The following RBBP5 variants were observed in gnomAD, a reference collection of about 807,000 sequenced individuals.
RBBP5 encodes retinoblastoma-binding protein 5.
In RBBP5, 5 loss-of-function variants were observed where a neutral mutation model predicts 72.2. The ratio of observed to expected loss-of-function variants is 0.07; its 90% CI spans 0.04 to 0.15. The LOEUF (loss-of-function observed/expected upper bound fraction) is 0.15. RBBP5 is among the 10% of genes least tolerant of loss of function. The pLI is 1.00. For synonymous variants in RBBP5, 209 were observed against 237.2 expected, an observed-to-expected ratio of 0.88 and a Z score of 1.09; for missense variants, 322 against 652.2, an observed-to-expected ratio of 0.49 and a Z score of 5.51.
chr1:205,113,225 T>C (rs931653639), intron 3 of RBBP5, among the ~76,000 whole-genome samples: 1 of 152,172 alleles, frequency 6.6e-6, no homozygotes, highest in Admixed American at 6.5e-5. Flanking sequence ...TCCATGATTT[T>C]CTAGAATAAG....
rs925485842 is a variant in RBBP5 at position 205,088,539 on chromosome 1, A to G, written c.*248T>C. On this transcript the variant is annotated 3_prime_UTR_variant, in exon 14 of 14. Transcript: ENST00000264515. ...AAAGTTTAAATGAGTCAAAATTCCT[A>G]TCTGATGTCTTCACAAATCTTCATT... 2.1e-6 allele frequency: 1 copy of G among 478,826 alleles called. No individual in the cohort carries two copies. The highest frequency in any genetic ancestry group is 2.1e-5 in the African/African-American group (1 of 48,562). 29.7% of individuals were successfully genotyped at this position (478,826 alleles called of 1,614,324 possible).
Position 205,103,942 on chromosome 1 carries a change from G to A in RBBP5, c.437C>T (p.Pro146Leu), listed in dbSNP as rs753865558. The change falls in exon 5 of 14, where the codon CCG (proline) becomes CTG (leucine). Residue 146 changes from proline (P) to leucine (L), a missense_variant. Around this residue, in one of 6 missense-constraint regions of RBBP5, gnomAD observed 161 missense variants for 327.8 expected, o/e 0.49. Transcript: ENST00000264515. ...TLSDSKHVVL[P>L]VDDDSDLNVV... is the part of the protein sequence containing the mutation. ...GTTCAAATCGGAGTCATCGTCCACC[G>A]GCAGAACAACATGTTTGGAATCTGA... is the stretch of plus-strand genomic sequence containing the variant. The A allele has an allele frequency of 5.0e-6, 8 of 1,613,952 alleles. No homozygotes were observed. The highest frequency in any genetic ancestry group is 5.9e-6 in the Non-Finnish European group (7 of 1,179,952).
chr1:205,114,676 T>C (rs1656453519), intron 3 of RBBP5, 113 bp downstream of exon 3: 6 of 1,040,050 alleles, frequency 5.8e-6, no homozygotes, highest in Non-Finnish European at 8.1e-6. Context: ...ACTGTATTAC[T>C]AATGGCTGAA....
Position 205,099,621 on chromosome 1 carries a change from A to G in RBBP5, c.978+120T>C. The G allele has an allele frequency of 9.3e-7, 1 of 1,071,686 alleles. No individual in the cohort carries two copies. The highest frequency in any genetic ancestry group is 1.4e-6 in the Non-Finnish European group (1 of 738,768). The allele number at this position is 1,071,686 out of a possible 1,614,324, so 66.4% of individuals were successfully genotyped here. A position where few individuals can be genotyped will look rare whatever the true frequency, so the allele number is the denominator to read the frequency against. On this transcript the variant is annotated intron_variant, in intron 9 of 13. Transcript: ENST00000264515. The surrounding 1 kb of genome is among the most constrained non-coding windows in gnomAD (Gnocchi z 4.7). ...TAGATGCACTGAACCTATGTAATTT[A>G]GGTTGCGAGAATCATATGCAAAAGA...
chr1:205,093,781 A>G (rs970895035), intron 13 of RBBP5, among the ~76,000 whole-genome samples: 1 of 151,920 alleles, frequency 6.6e-6, no homozygotes, highest in South Asian at 2.1e-4. Flanking sequence ...CTTCTCTGTA[A>G]GAGAATTCAT....
Position 205,093,558 on chromosome 1 carries a change from A to ACACACACACACACACACACACACG in RBBP5, c.1588+1314_1588+1315insCGTGTGTGTGTGTGTGTGTGTGTG, listed in dbSNP as rs1474687926. Among the ~76,000 whole-genome samples, 53 of 115,954 alleles carry ACACACACACACACACACACACACG rather than the reference A, an allele frequency of 4.6e-4. 5 individuals are homozygous for ACACACACACACACACACACACACG. The highest frequency in any genetic ancestry group is 7.2e-4 in the African/African-American group (19 of 26,272). 76.1% of individuals were successfully genotyped at this position (115,954 alleles called of 152,430 possible). A position where few individuals can be genotyped will look rare whatever the true frequency, so the allele number is the denominator to read the frequency against. On this transcript the variant is annotated intron_variant, in intron 13 of 13. Coordinates refer to ENST00000264515, the MANE Select transcript of RBBP5 (RefSeq NM_005057.4). ...TACACACACACACACACACACACAC[A>ACACACACACACACACACACACACG]CACACACACACAGCATTATATGTAT...
Position 205,100,043 on chromosome 1 carries a change from A to G in RBBP5, c.774T>C (p.Cys258=). 6.2e-7 allele frequency: 1 copy of G among 1,614,056 alleles called. No homozygotes were observed. The highest frequency in any genetic ancestry group is 8.5e-7 in the Non-Finnish European group (1 of 1,179,910). ...LVNRTPWKKC[C]FSGDGEYIVA... ...CGATGTATTCCCCATCCCCAGAGAA[A>G]CAACATTTCTTCCATGGGGTCCTAA... Residue 258 remains cysteine (C), a synonymous_variant, in exon 8 of 14, where the codon TGT becomes TGC. Coordinates refer to ENST00000264515, the MANE Select transcript of RBBP5 (RefSeq NM_005057.4).
chr1:205,096,577 A>C, intron 12 of RBBP5, 105 bp downstream of exon 12: 1 of 1,041,816 alleles, frequency 9.6e-7, no homozygotes, highest in Non-Finnish European at 1.4e-6. Flanking sequence ...TCATGGGAAA[A>C]TTCCTCTAAG....
intron 5 of RBBP5, among the ~76,000 whole-genome samples, chr1:205,102,887 G>A (rs1471682116): frequency 6.6e-6 from 1 of 151,884 alleles, no homozygotes; most frequent in East Asian, 1.9e-4. Context: ...CAGCTACTCG[G>A]GAGGCTGAGG....
At chr1:205,093,960 A>T (rs1000853570) in intron 13 of RBBP5, among the ~76,000 whole-genome samples, 24 of 152,322 alleles carry the variant, frequency 1.6e-4, no homozygotes, top group African/African-American at 5.8e-4. Context: ...CCACAAAAAA[A>T]TTGAGAATAC....
chr1:205,105,057 G>T lies in RBBP5; in HGVS notation c.330C>A (p.Ile110=). 1 of 1,614,050 alleles carries T rather than the reference G, an allele frequency of 6.2e-7. No homozygotes were observed. Among genetic ancestry groups the T allele is most frequent in the Non-Finnish European group, 8.5e-7 (1 of 1,180,010 alleles). ...CDQRFRFPSP[I]LKVQYHPRDQ... ...CTCGTGGATGATATTGGACTTTTAA[G>T]ATGGGTGAAGGGAATCGAAACCTCT... The change falls in exon 4 of 14, where the codon ATC becomes ATA. Residue 110 remains isoleucine (I), a synonymous_variant. Coordinates refer to ENST00000264515, the MANE Select transcript of RBBP5 (RefSeq NM_005057.4).
chr1:205,089,754 T>C (rs750838921), intron 13 of RBBP5, among the ~76,000 whole-genome samples: 2 of 152,246 alleles, frequency 1.3e-5, no homozygotes, highest in Non-Finnish European at 2.9e-5. Context: ...AACTTTTCCA[T>C]AGTTCAGTCA....
At position 205,097,246 on chromosome 1, in the gene RBBP5, A is replaced by G. The variant is rs537486924; in HGVS notation, c.1166+80T>C. ...AATAAGCAGACGGGAATGAAGGGAT[A>G]GCCAGGGAAACTGCAGAGTACTCCC... On this transcript the variant is annotated intron_variant, in intron 11 of 13. Coordinates refer to ENST00000264515, the MANE Select transcript of RBBP5 (RefSeq NM_005057.4). 3.0e-6 allele frequency: 4 copies of G among 1,321,588 alleles called. No homozygotes were observed. In the East Asian group the frequency reaches 1.0e-4, roughly 33 times the overall value. 81.9% of individuals were successfully genotyped at this position (1,321,588 alleles called of 1,614,324 possible).
intron 13 of RBBP5, among the ~76,000 whole-genome samples, chr1:205,093,458 C>CCAAAAAAAAAA (rs1553352080): frequency 0.18 from 3,213 of 18,214 alleles, 1,001 homozygotes; most frequent in Middle Eastern, 0.25. Flanking sequence ...AACTCCGTTT[C>CCAAAAAAAAAA]AAAAAAAAAA....
At chr1:205,110,785 C>T (rs968941150) in intron 3 of RBBP5, among the ~76,000 whole-genome samples, 10 of 151,958 alleles carry the variant, frequency 6.6e-5, no homozygotes, top group African/African-American at 2.2e-4. Flanking sequence ...TTTAAATGGC[C>T]AAGCACGGTG....
rs1485671080 is a variant in RBBP5 at position 205,099,634 on chromosome 1, C to CAT, written c.978+105_978+106dup. 4.2e-6 allele frequency: 5 copies of CAT among 1,203,284 alleles called. No individual in the cohort carries two copies. The highest frequency in any genetic ancestry group is 5.9e-6 in the Non-Finnish European group (5 of 851,304). The allele number at this position is 1,203,284 out of a possible 1,614,324, so 74.5% of individuals were successfully genotyped here. A position where few individuals can be genotyped will look rare whatever the true frequency, so the allele number is the denominator to read the frequency against. On this transcript the variant is annotated intron_variant, in intron 9 of 13. Transcript: ENST00000264515. The surrounding 1 kb of genome is among the most constrained non-coding windows in gnomAD (Gnocchi z 4.7). ...CCTATGTAATTTAGGTTGCGAGAAT[C>CAT]ATATGCAAAAGAAAATAAAAATGTA...
At chr1:205,100,605 AT>A (rs937500782) in intron 6 of RBBP5, among the ~76,000 whole-genome samples, 6 of 152,124 alleles carry the variant, frequency 3.9e-5, no homozygotes, top group African/African-American at 1.2e-4. Flanking sequence ...CATAATATAT[AT>A]TTTTTAAATG....
chr1:205,097,978 C>G (rs1655681191), intron 10 of RBBP5, among the ~76,000 whole-genome samples: 1 of 152,018 alleles, frequency 6.6e-6, no homozygotes, highest in African/African-American at 2.4e-5. Context: ...CATTCACCCG[C>G]ACAAACCTTA....
intron 3 of RBBP5, among the ~76,000 whole-genome samples, chr1:205,107,673 C>T (rs966924795): frequency 5.9e-5 from 9 of 152,168 alleles, no homozygotes; most frequent in East Asian, 1.9e-4. Context: ...AAGCCAGGTG[C>T]GGTGGCTCAC....
Sources: gnomAD v4.1 joint callset for allele counts (sites outside exome capture counted in the v4.1 genomes callset) on GRCh38, gnomAD v4.1.1 for gene constraint, gnomAD v4.1.1 regional missense constraint, Gnocchi (gnomAD v3.1) non-coding constraint, MANE v1.5 for transcripts, NCBI Gene and HGNC (gene_info 2026-07-23, HGNC 2026-07-21) for gene names.